ARHGEF1: variants seen among roughly 807,000 people sequenced by gnomAD.
ARHGEF1 encodes Rho guanine nucleotide exchange factor 1.
In ARHGEF1, 40 loss-of-function variants were observed where a neutral mutation model predicts 119.7. That is an observed-to-expected ratio of 0.33 (90% confidence interval 0.26 to 0.44). The LOEUF is 0.44. Ranked by LOEUF, ARHGEF1 falls within the 20% of genes least tolerant of loss-of-function variation. ARHGEF1 has a pLI of 1.00. For missense variants in ARHGEF1, 976 were observed against 1,268.3 expected, an observed-to-expected ratio of 0.77 and a Z score of 3.50; for synonymous variants, 494 against 521.0, an observed-to-expected ratio of 0.95 and a Z score of 0.71.
Position 41,888,749 on chromosome 19 carries a change from C to T in ARHGEF1, c.112-3C>T, listed in dbSNP as rs1406261106. 4 of 1,613,934 alleles carry T rather than the reference C, an allele frequency of 2.5e-6. No homozygotes were observed. The highest frequency in any genetic ancestry group is 2.5e-6 in the Non-Finnish European group (3 of 1,179,906). ...TTGTACTCACCCCTTCCTGCACCCC[C>T]AGAACTCAGAAGAGCAAAACAGCCA... On this transcript the variant is annotated splice_polypyrimidine_tract_variant and splice_region_variant and intron_variant, in intron 3 of 28. Coordinates refer to ENST00000354532, the MANE Select transcript of ARHGEF1 (RefSeq NM_004706.4). This position sits in a 1 kb window ranked among gnomAD's most constrained non-coding sequence, Gnocchi z 5.1.
At chr19:41,891,349 C>T (rs377116392) in intron 4 of ARHGEF1, among the ~76,000 whole-genome samples, 155 of 152,320 alleles carry the variant, frequency 1.0e-3, no homozygotes, top group Middle Eastern at 3.4e-3. Flanking sequence ...GTGGCACAAT[C>T]TCCACTCACT....
At chr19:41,914,321 C>G (rs1424858101) in intron 18 of ARHGEF1, among the ~76,000 whole-genome samples, 2 of 151,498 alleles carry the variant, frequency 1.3e-5, no homozygotes, top group East Asian at 2.0e-4. Context: ...CCTTCCGTCT[C>G]CCCCCACCAT....
At chr19:41,912,672 G>C (rs782579484) in intron 18 of ARHGEF1, among the ~76,000 whole-genome samples, 2 of 152,218 alleles carry the variant, frequency 1.3e-5, no homozygotes, top group Non-Finnish European at 2.9e-5. Flanking sequence ...GGGGAATCTG[G>C]CTGCGAAGTT....
intron 1 of ARHGEF1, chr19:41,884,244 C>A (rs1158784999): frequency 1.6e-6 from 1 of 627,130 alleles, no homozygotes; most frequent in African/African-American, 1.8e-5. Context: ...CAAGACAGGC[C>A]AGAGCGGCCC....
At chr19:41,901,803 C>T (rs555888320) in intron 14 of ARHGEF1, 84 bp from the exon 15 acceptor site, 108 of 1,509,106 alleles carry the variant, frequency 7.2e-5, no homozygotes, top group South Asian at 5.4e-4. Context: ...CCCTGCTCTG[C>T]CTCATTCCTC....
At chr19:41,899,671 G>A (rs1201232538) in intron 14 of ARHGEF1, among the ~76,000 whole-genome samples, 1 of 151,690 alleles carries the variant, frequency 6.6e-6, no homozygotes, top group Non-Finnish European at 1.5e-5. Context: ...CACCACGCCC[G>A]GCTAATTTTG....
In ARHGEF1 at chr19:41,906,465, C is replaced by G; in HGVS notation, c.2500C>G (p.Leu834Val). Residue 834 changes from leucine to valine, a missense_variant, in exon 27 of 29, where the codon CTG (leucine) becomes GTG (valine). This residue lies in a region of ARHGEF1 where 171 missense variants were observed against 180.6 expected (regional missense o/e 0.95). Transcript: ENST00000354532. The surrounding 1 kb of genome is among the most constrained non-coding windows in gnomAD (Gnocchi z 4.5). ...AATALRKVLS[L>V]KQLLFPAEED... Reference sequence around the variant, plus strand: ...TCCTTGCCCCTGGCCAGTGCTGTCCCTGAAGCAGCTTCTGTTTCCGGCGGA... The same window carrying G: ...TCCTTGCCCCTGGCCAGTGCTGTCCGTGAAGCAGCTTCTGTTTCCGGCGGA... The G allele has an allele frequency of 3.2e-6, 5 of 1,573,148 alleles. No homozygotes were observed. In the South Asian group the frequency reaches 4.7e-5, roughly 15 times the overall value.
downstream of ARHGEF1, among the ~76,000 whole-genome samples, chr19:41,911,407 G>A (rs782695522): frequency 8.5e-5 from 13 of 152,204 alleles, no homozygotes; most frequent in Non-Finnish European, 1.2e-4. Context: ...AGACTGCTGT[G>A]CGCCAGGGCA....
At position 41,894,499 on chromosome 19, in the gene ARHGEF1, C is replaced by T; in HGVS notation, c.793C>T (p.Leu265=). The T allele has an allele frequency of 6.2e-7, 1 of 1,600,752 alleles. No homozygotes were observed. Among genetic ancestry groups the T allele is most frequent in the Non-Finnish European group, 8.5e-7 (1 of 1,172,398 alleles). Residue 265 remains leucine, a synonymous_variant, in exon 10 of 29, where the codon CTG becomes TTG. Coordinates refer to ENST00000354532, the MANE Select transcript of ARHGEF1 (RefSeq NM_004706.4). ...SDEPAKTKKG[L]SSILDAARWN... is the part of the protein sequence containing the mutation. ...CGAGCCTGCCAAGACCAAGAAGGGG[C>T]TGAGCAGCATCCTGGATGCCGCCCG...
At position 41,888,105 on chromosome 19, in the gene ARHGEF1, C is replaced by T. The variant is rs370219647; in HGVS notation, c.23C>T (p.Ala8Val). 27 of 1,613,744 alleles carry T rather than the reference C, an allele frequency of 1.7e-5. No homozygotes were observed. The highest frequency in any genetic ancestry group is 1.3e-4 in the East Asian group (6 of 44,878). The change falls in exon 2 of 29, where the codon GCG (alanine) becomes GTG (valine). Residue 8 changes from alanine (A) to valine (V), a missense_variant and splice_region_variant. Physicochemically the swap from Ala to Val is moderately conservative, Grantham distance 64 (BLOSUM62 0). This residue lies in a region of ARHGEF1 where 519 missense variants were observed against 580.9 expected (regional missense o/e 0.89). Coordinates refer to ENST00000354532, the MANE Select transcript of ARHGEF1 (RefSeq NM_004706.4). The surrounding 1 kb of genome is among the most constrained non-coding windows in gnomAD (Gnocchi z 5.1). ...GAGATGGAAGACTTCGCCCGAGGGG[C>T]GGTGAGTGGACAGAGCAAGGGGTGA... MEDFARGAASPGPSRPGL... is the reference protein window; with the variant it reads MEDFARGVASPGPSRPGL...
intron 18 of ARHGEF1, among the ~76,000 whole-genome samples, chr19:41,914,962 G>GTC (rs1555851781): frequency 1.3e-5 from 1 of 76,252 alleles, no homozygotes; most frequent in Non-Finnish European, 2.1e-5. Context: ...CACTATCTCT[G>GTC]TCTCTCCCTC....
rs2074467754 is a variant in ARHGEF1, at chr19:41,895,427, A to C, written c.956A>C (p.Gln319Pro). The part of the protein sequence containing the change: ...SRDRNIGAPG[Q>P]DTPGVSLHPL... ...GACCGGAATATCGGGGCTCCTGGGC[A>C]GGACACCCCTGGAGTCTCTCTGCAC... The change falls in exon 12 of 29, where the codon CAG becomes CCG. Residue 319 changes from glutamine to proline, a missense_variant. Coordinates refer to ENST00000354532, the MANE Select transcript of ARHGEF1 (RefSeq NM_004706.4). 6.2e-7 allele frequency: 1 copy of C among 1,612,700 alleles called. No individual in the cohort carries two copies. Among genetic ancestry groups the C allele is most frequent in the Non-Finnish European group, 8.5e-7 (1 of 1,179,596 alleles).
chr19:41,907,630 T>C, downstream of ARHGEF1: 1 of 505,806 alleles, frequency 2.0e-6, no homozygotes, highest in Non-Finnish European at 3.4e-6. Flanking sequence ...ACACACTGGG[T>C]ATGAGGCGTC....
chr19:41,888,225 C>A lies in ARHGEF1; in HGVS notation c.58C>A (p.Pro20Thr), dbSNP rs1193436847. 10 of 1,614,080 alleles carry A rather than the reference C, an allele frequency of 6.2e-6. No homozygotes were observed. The highest frequency in any genetic ancestry group is 1.1e-5 in the South Asian group (1 of 91,078). ...AGGCCCCTCCCGGCCTGGCCTGGTTCCCGTCAGCATCATCGGGGCTGAGGA... is the reference window on the plus strand; with the variant it reads ...AGGCCCCTCCCGGCCTGGCCTGGTTACCGTCAGCATCATCGGGGCTGAGGA... The part of the protein sequence containing the change: ...SPGPSRPGLV[P>T]VSIIGAEDED... The change falls in exon 3 of 29, where the codon CCC (proline) becomes ACC (threonine). Residue 20 changes from proline (P) to threonine (T), a missense_variant. By Grantham distance (38) the Pro-to-Thr change is conservative. This residue lies in a region of ARHGEF1 where 519 missense variants were observed against 580.9 expected (regional missense o/e 0.89). Transcript: ENST00000354532. This position sits in a 1 kb window ranked among gnomAD's most constrained non-coding sequence, Gnocchi z 5.1.
intron 14 of ARHGEF1, 77 bp from the exon 15 acceptor site, chr19:41,901,809 TC>T (rs1426483014): frequency 6.6e-7 from 1 of 1,522,314 alleles, no homozygotes; most frequent in African/African-American, 1.4e-5. Context: ...TCTGCCTCAT[TC>T]CTCTAGCCTG....
At chr19:41,899,505 C>CTTTTTTTTT (rs575816890) in intron 14 of ARHGEF1, among the ~76,000 whole-genome samples, 1 of 101,768 alleles carries the variant, frequency 9.8e-6, no homozygotes, top group Non-Finnish European at 1.9e-5. Flanking sequence ...AAAGAGAAAG[C>CTTTTTTTTT]TTTTTTTTTT....
Position 41,917,898 on chromosome 19 carries a change from C to T in ARHGEF1, c.1866-5194C>T, listed in dbSNP as rs537171392. 1.3e-5 allele frequency among the ~76,000 whole-genome samples: 2 copies of T among 152,098 alleles called. No homozygotes were observed. Among genetic ancestry groups the T allele is most frequent in the African/African-American group, 4.8e-5 (2 of 41,440 alleles). On this transcript the variant is annotated intron_variant, in intron 18 of 20. Coordinates refer to the ARHGEF1 transcript ENST00000599589. This position sits in a 1 kb window ranked among gnomAD's most constrained non-coding sequence, Gnocchi z 4.8. ...CAACACCCTGTCCCATCTGGGTGCACGAAGCCAGCTCCCCGCGGTCACACA... is the reference window on the plus strand; with the variant it reads ...CAACACCCTGTCCCATCTGGGTGCATGAAGCCAGCTCCCCGCGGTCACACA...
chr19:41,896,410 C>A lies in ARHGEF1; in HGVS notation c.1049C>A (p.Ser350Tyr). 1 of 1,452,766 alleles carries A rather than the reference C, an allele frequency of 6.9e-7. No homozygotes were observed. The highest frequency in any genetic ancestry group is 9.1e-7 in the Non-Finnish European group (1 of 1,102,202). 90.0% of individuals were successfully genotyped at this position (1,452,766 alleles called of 1,614,324 possible). A position where few individuals can be genotyped will look rare whatever the true frequency, so the allele number is the denominator to read the frequency against. ...GCCCCCCTGGAGCTGGGGGACTCAT[C>A]CCCGCAGGGCCCAATGAGCCTGGAG... The part of the protein sequence containing the change: ...ADAPLELGDS[S>Y]PQGPMSLESL... The change falls in exon 13 of 29, where the codon TCC becomes TAC. Residue 350 changes from serine to tyrosine, a missense_variant. Around this residue, in one of 3 missense-constraint regions of ARHGEF1, gnomAD observed 519 missense variants for 580.9 expected, o/e 0.89. Coordinates refer to ENST00000354532, the MANE Select transcript of ARHGEF1 (RefSeq NM_004706.4).
chr19:41,913,864 C>T (rs919522241), intron 18 of ARHGEF1, among the ~76,000 whole-genome samples: 1 of 151,000 alleles, frequency 6.6e-6, no homozygotes, highest in African/African-American at 2.4e-5. Flanking sequence ...GCTGCCCTCG[C>T]GCTCCCGAGA....
Sources: gnomAD v4.1 joint callset for allele counts (sites outside exome capture counted in the v4.1 genomes callset) on GRCh38, gnomAD v4.1.1 for gene constraint, gnomAD v4.1.1 regional missense constraint, Gnocchi (gnomAD v3.1) non-coding constraint, MANE v1.5 for transcripts, NCBI Gene and HGNC (gene_info 2026-07-23, HGNC 2026-07-21) for gene names.